C2orf49: variants seen among roughly 807,000 people sequenced by gnomAD.
The protein encoded by C2orf49 is tRNA splicing ligase complex subunit 2, also known as tRNA-splicing ligase complex subunit ASW.
Under a neutral mutation model 20.6 loss-of-function variants are expected in C2orf49, and 11 were observed. The ratio of observed to expected loss-of-function variants is 0.53; its 90% CI spans 0.34 to 0.88. C2orf49 has a LOEUF of 0.88. Among genes scored for constraint, C2orf49 ranks in the 40% least tolerant of loss-of-function variants. The pLI, the probability that C2orf49 is intolerant of heterozygous loss-of-function variation, is 0.02. For missense variants in C2orf49, 289 were observed against 274.2 expected, an observed-to-expected ratio of 1.05 and a Z score of -0.38; for synonymous variants, 134 against 108.5, an observed-to-expected ratio of 1.24 and a Z score of -1.46.
the C2orf49 span, among the ~76,000 whole-genome samples, chr2:105,371,701 G>T: frequency 6.6e-6 from 1 of 152,206 alleles, no homozygotes; most frequent in Non-Finnish European, 1.5e-5. Context: ...TACTTTTTAT[G>T]TCATGGTTGG....
the C2orf49 span, among the ~76,000 whole-genome samples, chr2:105,372,291 T>C: frequency 7.2e-5 from 11 of 152,208 alleles, no homozygotes; most frequent in African/African-American, 2.6e-4. Context: ...AGTGGCGTGA[T>C]CTCAGCTCAC....
chr2:105,351,892 T>C (rs1302488728), downstream of C2orf49, among the ~76,000 whole-genome samples: 1 of 152,240 alleles, frequency 6.6e-6, no homozygotes, highest in Non-Finnish European at 1.5e-5. Context: ...TACATTTCTA[T>C]AGATATTTCT....
chr2:105,381,658 T>C, the C2orf49 span, among the ~76,000 whole-genome samples: 1 of 152,198 alleles, frequency 6.6e-6, no homozygotes, highest in African/African-American at 2.4e-5. Context: ...AGGACCCTGC[T>C]TGATTAAATT....
At chr2:105,367,079 A>T in the C2orf49 span, among the ~76,000 whole-genome samples, 5 of 152,302 alleles carry the variant, frequency 3.3e-5, no homozygotes, top group South Asian at 1.0e-3. Context: ...CGGCCAGAGT[A>T]GATACATTTA....
the C2orf49 span, chr2:105,363,020 G>C: frequency 7.0e-6 from 3 of 425,942 alleles, 1 homozygote; most frequent in Middle Eastern, 6.3e-4. Context: ...CAGTTTTAGC[G>C]ATAATCCAAC....
At chr2:105,351,667 C>T (rs987437138), downstream of C2orf49, among the ~76,000 whole-genome samples, 2 of 147,688 alleles carry the variant, frequency 1.4e-5, no homozygotes, top group Admixed American at 6.7e-5. Context: ...TTGAACACAT[C>T]CTTTCTGGTA....
the C2orf49 span, among the ~76,000 whole-genome samples, chr2:105,372,776 C>G: frequency 0.013 from 1,985 of 152,184 alleles, 49 homozygotes; most frequent in African/African-American, 0.046. Flanking sequence ...AGGCCGATTT[C>G]AAACTCCTGA....
At chr2:105,366,951 G>A in the C2orf49 span, among the ~76,000 whole-genome samples, 3 of 152,146 alleles carry the variant, frequency 2.0e-5, no homozygotes, top group Admixed American at 1.3e-4. Context: ...TCATCATGTT[G>A]CCCAGGCTGG....
At chr2:105,372,862 C>A in the C2orf49 span, among the ~76,000 whole-genome samples, 1 of 152,156 alleles carries the variant, frequency 6.6e-6, no homozygotes, top group Non-Finnish European at 1.5e-5. Context: ...CAGCTTCTTT[C>A]TGTATTTTGA....
chr2:105,364,701 C>T, the C2orf49 span, among the ~76,000 whole-genome samples: 1 of 152,060 alleles, frequency 6.6e-6, no homozygotes, highest in Non-Finnish European at 1.5e-5. Context: ...CACTTTTTTG[C>T]TTTTTATTTT....
rs2104458143 is a variant in C2orf49, at chr2:105,349,075, A to G, written c.*3704A>G. ...TTCCCATGTAATATTAAAGCTCTTA[A>G]CAAAATGAGACAAACTAGAGATTCA... On this transcript the variant is annotated 3_prime_UTR_variant, in exon 4 of 4. Coordinates refer to ENST00000258457, the MANE Select transcript of C2orf49 (RefSeq NM_024093.3). 1 of 152,326 alleles carries G rather than the reference A, an allele frequency of 6.6e-6. No homozygotes were observed. The highest frequency in any genetic ancestry group is 2.4e-5 in the African/African-American group (1 of 41,570). 9.4% of individuals were successfully genotyped at this position (152,326 alleles called of 1,614,324 possible).
At chr2:105,357,316 C>T in the C2orf49 span, among the ~76,000 whole-genome samples, 1 of 152,122 alleles carries the variant, frequency 6.6e-6, no homozygotes, top group Non-Finnish European at 1.5e-5. Flanking sequence ...GTTTTCTTCT[C>T]CTAACTCAAA....
chr2:105,339,820 C>A (rs1573241270), intron 2 of C2orf49, 71 bp downstream of exon 2: 3 of 1,335,554 alleles, frequency 2.2e-6, no homozygotes, highest in Non-Finnish European at 9.9e-7. Context: ...ATTGATTTTT[C>A]CTGAGATAAA....
chr2:105,375,217 CTAGT>C, the C2orf49 span: 1 of 152,028 alleles, frequency 6.6e-6, no homozygotes, highest in African/African-American at 2.4e-5. Flanking sequence ...TGGAACCAAA[CTAGT>C]TATTTGATTT....
chr2:105,357,181 A>G, the C2orf49 span, among the ~76,000 whole-genome samples: 1 of 152,074 alleles, frequency 6.6e-6, no homozygotes, highest in African/African-American at 2.4e-5. Flanking sequence ...TAGTCCTTCC[A>G]TTACACATAT....
At chr2:105,342,167 C>G (rs932757144) in intron 2 of C2orf49, among the ~76,000 whole-genome samples, 1 of 152,174 alleles carries the variant, frequency 6.6e-6, no homozygotes, top group Non-Finnish European at 1.5e-5. Context: ...AGCGCAACTC[C>G]GTCTCAAAAA....
chr2:105,375,161 G>GCA, the C2orf49 span: 1 of 152,148 alleles, frequency 6.6e-6, no homozygotes, highest in South Asian at 2.1e-4. Flanking sequence ...GTGTGTGTGC[G>GCA]CGTGCGTGTG....
chr2:105,374,610 C>A, the C2orf49 span: 1 of 152,054 alleles, frequency 6.6e-6, no homozygotes, highest in Non-Finnish European at 1.5e-5. Context: ...CAGACGTGTG[C>A]TTTTGAGTAA....
the C2orf49 span, chr2:105,373,679 A>C: frequency 9.3e-6 from 15 of 1,614,096 alleles, no homozygotes; most frequent in Non-Finnish European, 1.3e-5. Context: ...GAGTTTCTGC[A>C]CTGCGAGCAG....
Sources: gnomAD v4.1 joint callset for allele counts (sites outside exome capture counted in the v4.1 genomes callset) on GRCh38, gnomAD v4.1.1 for gene constraint, MANE v1.5 for transcripts, NCBI Gene and HGNC (gene_info 2026-07-23, HGNC 2026-07-21) for gene names.